CNTN1: variants seen among roughly 807,000 people sequenced by gnomAD.
CNTN1 encodes the protein contactin 1, also known as contactin-1.
CNTN1 carries 38 observed loss-of-function variants against 126.4 expected under a neutral mutation model. The observed-to-expected ratio is 0.30, with a 90% CI of 0.23 to 0.39. The LOEUF (loss-of-function observed/expected upper bound fraction) is 0.39, where lower values mean the gene tolerates loss of function less well. CNTN1 is among the 10% of genes least tolerant of loss of function. The probability of loss-of-function intolerance (pLI) is 1.00; values close to 1 mark genes in which losing one functional copy is unlikely to be tolerated. For missense variants in CNTN1, 1,009 were observed against 1,248.4 expected (o/e 0.81, Z 2.89); for synonymous variants, 413 against 422.6 (o/e 0.98, Z 0.28).
chr12:40,772,764 TG>T (rs1848646497), intron 1 of CNTN1, among the ~76,000 whole-genome samples: 1 of 151,904 alleles, frequency 6.6e-6, no homozygotes, highest in Admixed American at 6.6e-5. Context: ...CCAGATAAAC[TG>T]GAAAAGGAGG....
chr12:41,020,697 C>T lies in CNTN1; in HGVS notation c.2523+257C>T, dbSNP rs186427938. On this transcript the variant is annotated intron_variant, in intron 20 of 23. Coordinates refer to ENST00000551295, the MANE Select transcript of CNTN1 (RefSeq NM_001843.4). ...GCCAAAATAAAAACTATGGTAATAA[C>T]ACTTATGATTACCCAAGGTCTTTTT... is the stretch of plus-strand genomic sequence containing the variant. Among the ~76,000 whole-genome samples, 1,138 of 152,190 alleles carry T rather than the reference C, an allele frequency of 7.5e-3. 14 individuals are homozygous for T. Among genetic ancestry groups the T allele is most frequent in the Non-Finnish European group, 9.4e-3 (637 of 67,990 alleles).
chr12:40,856,823 C>A (rs967292805), intron 1 of CNTN1, among the ~76,000 whole-genome samples: 1 of 151,942 alleles, frequency 6.6e-6, no homozygotes, highest in Non-Finnish European at 1.5e-5. Context: ...ACAAAAATAA[C>A]TTGAGAATGC....
At chr12:40,824,436 A>C (rs1052274075) in intron 1 of CNTN1, among the ~76,000 whole-genome samples, 2 of 152,164 alleles carry the variant, frequency 1.3e-5, no homozygotes, top group Admixed American at 1.3e-4. Context: ...GTGTTAAGTA[A>C]TGTAAAGACA....
At chr12:40,728,393 G>A (rs1256488506) in intron 1 of CNTN1, among the ~76,000 whole-genome samples, 2 of 152,128 alleles carry the variant, frequency 1.3e-5, no homozygotes, top group Non-Finnish European at 2.9e-5. Flanking sequence ...TATCCAGGCA[G>A]GAACAAGGGG....
intron 1 of CNTN1, among the ~76,000 whole-genome samples, chr12:40,786,523 C>G (rs767932510): frequency 1.9e-4 from 29 of 152,026 alleles, no homozygotes; most frequent in Non-Finnish European, 3.4e-4. Flanking sequence ...GCTGAAGGGA[C>G]TTATAAGGTA....
intron 1 of CNTN1, among the ~76,000 whole-genome samples, chr12:40,752,114 G>T (rs1938426644): frequency 6.6e-6 from 1 of 151,834 alleles, no homozygotes; most frequent in African/African-American, 2.4e-5. Flanking sequence ...AATAAATTTG[G>T]AATATATAAT....
At chr12:41,042,604 C>G (rs985349413) in intron 23 of CNTN1, among the ~76,000 whole-genome samples, 2 of 151,926 alleles carry the variant, frequency 1.3e-5, no homozygotes, top group African/African-American at 4.8e-5. Context: ...GGTGCCATCC[C>G]CCTCAAGCTA....
rs753666397 is a variant in CNTN1 at position 41,027,910 on chromosome 12, A to G, written c.2764A>G (p.Ile922Val). 3 of 1,613,970 alleles carry G rather than the reference A, an allele frequency of 1.9e-6. No individual in the cohort carries two copies. In the South Asian group the frequency reaches 3.3e-5, roughly 18 times the overall value. ...TTCAGTAAGGTCTGGTTCACGCTATATAATCACCTGGGATCATGTCGTTGC... is the reference window on the plus strand; with the variant it reads ...TTCAGTAAGGTCTGGTTCACGCTATGTAATCACCTGGGATCATGTCGTTGC... ...ISSVRSGSRYIITWDHVVALS... is the reference protein window; with the variant it reads ...ISSVRSGSRYVITWDHVVALS... The change falls in exon 22 of 24, where the codon ATA becomes GTA. Residue 922 changes from isoleucine (I) to valine (V), a missense_variant. Physicochemically the swap from Ile to Val is conservative, Grantham distance 29. Transcript: ENST00000551295.
chr12:40,897,766 C>T (rs533295540), intron 1 of CNTN1, among the ~76,000 whole-genome samples: 2 of 152,184 alleles, frequency 1.3e-5, no homozygotes, highest in South Asian at 4.2e-4. Flanking sequence ...CCGTAATTTC[C>T]CCAGTATCTG....
chr12:40,698,337 A>G (rs1941505387), intron 1 of CNTN1, among the ~76,000 whole-genome samples: 1 of 139,642 alleles, frequency 7.2e-6, no homozygotes, highest in Non-Finnish European at 1.5e-5. Context: ...CTGGGTTCAC[A>G]TTATTTTCCT....
Position 40,893,906 on chromosome 12 carries a change from A to G in CNTN1, c.-76-14451A>G, listed in dbSNP as rs568648174. Among the ~76,000 whole-genome samples, 7 of 152,216 alleles carry G rather than the reference A, an allele frequency of 4.6e-5. No individual in the cohort carries two copies. The South Asian group carries it at 1.5e-3, about 32-fold the overall frequency. Reference sequence around the variant, plus strand: ...ACTTGAATGTCTAATGGGAAACTCAAATATAATACGTTCAAAACTAAATTA... The same window carrying G: ...ACTTGAATGTCTAATGGGAAACTCAGATATAATACGTTCAAAACTAAATTA... On this transcript the variant is annotated intron_variant, in intron 1 of 23. Transcript: ENST00000551295.
intron 23 of CNTN1, among the ~76,000 whole-genome samples, chr12:41,058,254 A>T (rs1269655271): frequency 6.6e-6 from 1 of 152,202 alleles, no homozygotes; most frequent in Non-Finnish European, 1.5e-5. Flanking sequence ...GAATTACTTC[A>T]TACATGTTAC....
intron 1 of CNTN1, chr12:40,895,825 T>C (rs1412916262): frequency 6.6e-5 from 10 of 151,164 alleles, no homozygotes; most frequent in Admixed American, 1.3e-4. Context: ...TGGCGCGATC[T>C]TGGCTCACTG....
chr12:41,014,046 G>A (rs1198853517), intron 17 of CNTN1, among the ~76,000 whole-genome samples, 182 bp from the exon 18 acceptor site: 1 of 152,178 alleles, frequency 6.6e-6, no homozygotes, highest in Non-Finnish European at 1.5e-5. Context: ...CAGAAAAACT[G>A]ATTATTACAG....
chr12:40,800,965 A>G (rs1242508266), intron 1 of CNTN1, among the ~76,000 whole-genome samples: 1 of 151,746 alleles, frequency 6.6e-6, no homozygotes, highest in Non-Finnish European at 1.5e-5. Context: ...GTAAGTTTGG[A>G]CACAAAGTCA....
chr12:41,021,003 G>A (rs963495580), intron 20 of CNTN1, among the ~76,000 whole-genome samples: 1 of 152,154 alleles, frequency 6.6e-6, no homozygotes, highest in African/African-American at 2.4e-5. Context: ...AGTCAAGGGA[G>A]TAAAAACTGG....
chr12:40,816,565 T>C (rs1434976907), intron 1 of CNTN1, among the ~76,000 whole-genome samples: 1 of 150,692 alleles, frequency 6.6e-6, no homozygotes, highest in Non-Finnish European at 1.5e-5. Flanking sequence ...ATCTAGCTTG[T>C]TATTTATTTA....
At chr12:40,860,108 C>T (rs1022518191) in intron 1 of CNTN1, among the ~76,000 whole-genome samples, 1 of 152,022 alleles carries the variant, frequency 6.6e-6, no homozygotes, top group African/African-American at 2.4e-5. Flanking sequence ...GATCAGAAAT[C>T]GGATTTTTAA....
rs113424238 is a variant in CNTN1, at chr12:40,694,110, G to A, written c.-77+1518G>A. On this transcript the variant is annotated intron_variant, in intron 1 of 23. Coordinates refer to ENST00000551295, the MANE Select transcript of CNTN1 (RefSeq NM_001843.4). ...TTATTAGACTCGGCATAATGGTTTG[G>A]TTATTTGGTAGTAAATTTATTTCAG... Among the ~76,000 whole-genome samples the A allele has an allele frequency of 7.6e-3, 1,152 of 152,272 alleles. 8 individuals carry two copies. Among genetic ancestry groups the A allele is most frequent in the Middle Eastern group, 0.017 (5 of 294 alleles).
Sources: gnomAD v4.1 joint callset for allele counts (sites outside exome capture counted in the v4.1 genomes callset) on GRCh38, gnomAD v4.1.1 for gene constraint, MANE v1.5 for transcripts, NCBI Gene and HGNC (gene_info 2026-07-23, HGNC 2026-07-21) for gene names.